The following WDR88 variants were observed in gnomAD, a reference collection of about 807,000 sequenced individuals.
WDR88 encodes the protein WD repeat-containing protein 88.
A neutral mutation model predicts 46.8 loss-of-function variants in WDR88; 40 were observed. The ratio of observed to expected loss-of-function variants is 0.86; its 90% confidence interval spans 0.66 to 1.11. WDR88 has a LOEUF of 1.11. Among genes scored for constraint, WDR88 ranks in the 50% most tolerant of loss-of-function variants. The pLI is 0.00. For synonymous variants in WDR88, 235 were observed against 240.7 expected, an observed-to-expected ratio of 0.98 and a Z score of 0.22; for missense variants, 562 against 602.4, an observed-to-expected ratio of 0.93 and a Z score of 0.70.
chr19:33,153,049 TTTTTA>T (rs1446759345), intron 6 of WDR88, among the ~76,000 whole-genome samples: 2 of 151,902 alleles, frequency 1.3e-5, no homozygotes, highest in Non-Finnish European at 2.9e-5. Context: ...CTTTCAATTC[TTTTTA>T]TTTTATTTGA....
intron 2 of WDR88, among the ~76,000 whole-genome samples, chr19:33,141,184 G>C (rs1165886769): frequency 6.8e-6 from 1 of 146,562 alleles, no homozygotes; most frequent in Non-Finnish European, 1.5e-5. Context: ...CGACTCTCCT[G>C]CCTCAGCCTC....
intron 1 of WDR88, among the ~76,000 whole-genome samples, chr19:33,135,053 G>GT (rs1568356931): frequency 1.0e-5 from 1 of 95,718 alleles, no homozygotes; most frequent in African/African-American, 6.9e-5. Flanking sequence ...TGGGGTGGGT[G>GT]GGTGGGGGGG....
At chr19:33,170,224 C>T (rs1343648487) in intron 9 of WDR88, among the ~76,000 whole-genome samples, 4 of 151,906 alleles carry the variant, frequency 2.6e-5, no homozygotes, top group African/African-American at 9.7e-5. Flanking sequence ...ATCGCCCAGG[C>T]TGGAGTGCAG....
Position 33,133,198 on chromosome 19 carries a change from T to TAAATATATAG in WDR88, c.276+754_276+755insAATATATAGA, listed in dbSNP as rs1555723214. Among the ~76,000 whole-genome samples, 114 of 79,816 alleles carry TAAATATATAG rather than the reference T, an allele frequency of 1.4e-3. 1 individual carries two copies. The highest frequency in any genetic ancestry group is 3.5e-3 in the African/African-American group (107 of 30,686). The allele number at this position is 79,816 out of a possible 152,430, so 52.4% of individuals were successfully genotyped here. Reference sequence around the variant, plus strand: ...AAATAAATAAATAAATAAATAAATATAGAGAGAGAGAGAGAAAGAAAGAAA... The same window carrying TAAATATATAG: ...AAATAAATAAATAAATAAATAAATATAAATATATAGAGAGAGAGAGAGAGAAAGAAAGAAA... On this transcript the variant is annotated intron_variant, in intron 1 of 10. Coordinates refer to ENST00000355868, the MANE Select transcript of WDR88 (RefSeq NM_173479.4).
At chr19:33,153,114 G>C (rs1973666939) in intron 6 of WDR88, among the ~76,000 whole-genome samples, 1 of 151,956 alleles carries the variant, frequency 6.6e-6, no homozygotes, top group East Asian at 1.9e-4. Flanking sequence ...GCAGTGACGT[G>C]ATCATAGCTC....
intron 1 of WDR88, among the ~76,000 whole-genome samples, chr19:33,132,762 C>T (rs1414243633): frequency 6.6e-6 from 1 of 152,226 alleles, no homozygotes. Context: ...GGCCCACCCA[C>T]AGTGATGCTC....
At chr19:33,169,912 T>C (rs1485073304) in intron 9 of WDR88, among the ~76,000 whole-genome samples, 1 of 152,132 alleles carries the variant, frequency 6.6e-6, no homozygotes, top group African/African-American at 2.4e-5. Context: ...AGTTTCTCTC[T>C]TGTTGCCCAG....
At chr19:33,144,998 C>A in intron 3 of WDR88, 66 bp downstream of exon 3, 1 of 1,452,796 alleles carries the variant, frequency 6.9e-7, no homozygotes, top group African/African-American at 1.4e-5. Context: ...AATAGGTATG[C>A]CTGTGACATT....
chr19:33,145,163 A>G lies in WDR88; in HGVS notation c.476+231A>G, dbSNP rs369249528. 3.3e-5 allele frequency among the ~76,000 whole-genome samples: 5 copies of G among 151,970 alleles called. No homozygotes were observed. The South Asian group carries it at 1.0e-3, about 32-fold the overall frequency. ...CCACACCTGGGCTTTGTGAATTTTTATTTTTTATTTAGACAGGATTCTGCT... is the reference window on the plus strand; with the variant it reads ...CCACACCTGGGCTTTGTGAATTTTTGTTTTTTATTTAGACAGGATTCTGCT... On this transcript the variant is annotated intron_variant, in intron 3 of 10. Coordinates refer to ENST00000355868, the MANE Select transcript of WDR88 (RefSeq NM_173479.4).
chr19:33,153,248 A>G (rs1255654075), intron 6 of WDR88, among the ~76,000 whole-genome samples: 1 of 130,878 alleles, frequency 7.6e-6, no homozygotes, highest in African/African-American at 3.3e-5. Flanking sequence ...TTTTTTTTGC[A>G]GAAACGGGGT....
At chr19:33,172,246 T>G in intron 9 of WDR88, 102 bp from the exon 10 acceptor site, 1 of 983,438 alleles carries the variant, frequency 1.0e-6, no homozygotes, top group East Asian at 2.4e-5. Flanking sequence ...CCTCTGTCTT[T>G]TTGTGCCTTG....
Position 33,156,497 on chromosome 19 carries a change from C to T in WDR88, c.952C>T (p.Gln318Ter). 1 of 1,614,072 alleles carries T rather than the reference C, an allele frequency of 6.2e-7. No individual in the cohort carries two copies. Among genetic ancestry groups the T allele is most frequent in the Non-Finnish European group, 8.5e-7 (1 of 1,180,016 alleles). ...CTGTGGAGCCTGTGTGACTCTGATG[C>T]AGGGCCATGAAGGTTCTGTCAGTTC... ...RNCGACVTLM[Q>*]GHEGSVSSCH... is the part of the protein sequence containing the mutation. Residue 318 changes from glutamine to a stop codon, truncating the protein, a stop_gained, in exon 7 of 11, where the codon CAG becomes TAG. Transcript: ENST00000355868. LOFTEE classifies it high-confidence loss of function.
intron 2 of WDR88, among the ~76,000 whole-genome samples, chr19:33,141,751 G>T (rs1282375555): frequency 1.3e-5 from 2 of 152,126 alleles, no homozygotes; most frequent in African/African-American, 4.8e-5. Flanking sequence ...CGTGGTCTCG[G>T]CTCACTGCAA....
At chr19:33,143,264 G>T (rs1362807697) in intron 2 of WDR88, among the ~76,000 whole-genome samples, 4 of 151,094 alleles carry the variant, frequency 2.6e-5, no homozygotes, top group Non-Finnish European at 4.4e-5. Flanking sequence ...GAGCCCAGGA[G>T]GTGGTGCCTG....
At chr19:33,140,789 CA>C (rs113986637) in intron 2 of WDR88, among the ~76,000 whole-genome samples, 17,894 of 139,108 alleles carry the variant, frequency 0.13, 1,201 homozygotes, top group South Asian at 0.22. Context: ...GACTCCGTCT[CA>C]AAAAAAAAAA....
chr19:33,141,067 G>A (rs1019832405), intron 2 of WDR88, among the ~76,000 whole-genome samples: 1 of 147,760 alleles, frequency 6.8e-6, no homozygotes, highest in East Asian at 2.0e-4. Context: ...CTCCCAAGTC[G>A]CTGGGACCAC....
intron 2 of WDR88, 32 bp downstream of exon 2, chr19:33,137,819 C>G (rs778138032): frequency 6.3e-7 from 1 of 1,589,404 alleles, no homozygotes; most frequent in Non-Finnish European, 8.6e-7. Context: ...ACTCCTGGAG[C>G]GAAAACCTTT....
At chr19:33,134,404 G>T (rs1191412992) in intron 1 of WDR88, among the ~76,000 whole-genome samples, 1 of 151,920 alleles carries the variant, frequency 6.6e-6, no homozygotes, top group South Asian at 2.1e-4. Context: ...TGTTGCCCAG[G>T]CTGGTCTTAA....
At position 33,141,227 on chromosome 19, in the gene WDR88, G is replaced by GTTTTTTTTTTTTTTTTTTTTTT. The variant is rs745987290; in HGVS notation, c.387+3453_387+3454insTTTTTTTTTTTTTTTTTTTTTT. Among the ~76,000 whole-genome samples, 58 of 113,386 alleles carry GTTTTTTTTTTTTTTTTTTTTTT rather than the reference G, an allele frequency of 5.1e-4. 15 individuals are homozygous for GTTTTTTTTTTTTTTTTTTTTTT. Among genetic ancestry groups the GTTTTTTTTTTTTTTTTTTTTTT allele is most frequent in the African/African-American group, 2.2e-3 (55 of 24,450 alleles). The allele number at this position is 113,386 out of a possible 152,430, so 74.4% of individuals were successfully genotyped here. On this transcript the variant is annotated intron_variant, in intron 2 of 10. Transcript: ENST00000355868. The stretch of plus-strand genomic sequence containing the variant: ...GCTGGGATTACAGGTGTGGGAGCAT[G>GTTTTTTTTTTTTTTTTTTTTTT]TTTTTTTTTTTTTCTTTTTTGACAC...
Sources: allele counts gnomAD v4.1 joint callset (sites outside exome capture counted in the v4.1 genomes callset), GRCh38; gene constraint gnomAD v4.1.1; transcripts MANE v1.5; gene names NCBI Gene and HGNC (gene_info 2026-07-23, HGNC 2026-07-21).